The following CNTNAP2 variants were observed in gnomAD, a reference collection of about 807,000 sequenced individuals.
The protein encoded by CNTNAP2 is contactin-associated protein-like 2.
CNTNAP2 carries 98 observed loss-of-function variants against 155.2 expected under a neutral mutation model. The ratio of observed to expected loss-of-function variants is 0.63; its 90% CI spans 0.54 to 0.75. The LOEUF is 0.75. CNTNAP2 is among the 30% of genes least tolerant of loss of function. The pLI, the probability that CNTNAP2 is intolerant of heterozygous loss-of-function variation, is 0.00. For missense variants in CNTNAP2, 1,727 were observed against 1,688.1 expected, an observed-to-expected ratio of 1.02 and a Z score of -0.40; for synonymous variants, 651 against 631.2, an observed-to-expected ratio of 1.03 and a Z score of -0.47.
chr7:147,074,653 A>C (rs1175992648), intron 4 of CNTNAP2, among the ~76,000 whole-genome samples: 1 of 152,190 alleles, frequency 6.6e-6, no homozygotes, highest in African/African-American at 2.4e-5. Context: ...GAAATGTGCC[A>C]GTGAAATAGA....
chr7:146,306,909 GA>G (rs1217160743), intron 1 of CNTNAP2, among the ~76,000 whole-genome samples: 2 of 152,136 alleles, frequency 1.3e-5, no homozygotes, highest in African/African-American at 4.8e-5. Context: ...CATTCCCTTT[GA>G]AAACGGGCAC....
intron 21 of CNTNAP2, among the ~76,000 whole-genome samples, chr7:148,322,421 A>C (rs1451127376): frequency 6.6e-6 from 1 of 152,204 alleles, no homozygotes; most frequent in African/African-American, 2.4e-5. Flanking sequence ...AAGCTACCAA[A>C]TTTTTGTTAT....
At position 148,152,946 on chromosome 7, in the gene CNTNAP2, G is replaced by A. The variant is rs192929705; in HGVS notation, c.2773+5237G>A. ...TGAGGCAGAAGAATGGCATGAACCC[G>A]GGAGGCGGAGCTTGCAGTGAGCCGA... On this transcript the variant is annotated intron_variant, in intron 17 of 23. Transcript: ENST00000361727. 2.1e-3 allele frequency among the ~76,000 whole-genome samples: 313 copies of A among 150,594 alleles called. 2 individuals are homozygous for A. Among genetic ancestry groups the A allele is most frequent in the African/African-American group, 7.3e-3 (297 of 40,850 alleles).
At chr7:146,487,986 TAAGAA>T (rs1340870209) in intron 1 of CNTNAP2, among the ~76,000 whole-genome samples, 1 of 152,098 alleles carries the variant, frequency 6.6e-6, no homozygotes, top group African/African-American at 2.4e-5. Context: ...TGAGAAGTGT[TAAGAA>T]AAGAAAAAAA....
intron 14 of CNTNAP2, among the ~76,000 whole-genome samples, chr7:147,965,230 A>G (rs947744306): frequency 1.3e-5 from 2 of 152,194 alleles, no homozygotes; most frequent in Admixed American, 1.3e-4. Context: ...CTATACACAT[A>G]AGGCAGTAAT....
chr7:146,969,677 C>G (rs1019966686), intron 3 of CNTNAP2, among the ~76,000 whole-genome samples: 9 of 152,166 alleles, frequency 5.9e-5, no homozygotes, highest in Admixed American at 2.0e-4. Flanking sequence ...AGATCTTCCT[C>G]CATCCTTTTA....
Position 146,367,162 on chromosome 7 carries a change from T to C in CNTNAP2, c.97+250189T>C, listed in dbSNP as rs565471430. 1.1e-3 allele frequency among the ~76,000 whole-genome samples: 167 copies of C among 152,284 alleles called. 7 individuals carry two copies. In the South Asian group the frequency reaches 0.033, roughly 30 times the overall value. ...GGTGATTCATTGTTGATGACTAATATCATGGATGCTCACATTTATGGAAAG... is the reference window on the plus strand; with the variant it reads ...GGTGATTCATTGTTGATGACTAATACCATGGATGCTCACATTTATGGAAAG... On this transcript the variant is annotated intron_variant, in intron 1 of 23. Coordinates refer to ENST00000361727, the MANE Select transcript of CNTNAP2 (RefSeq NM_014141.6).
At chr7:146,462,761 T>C (rs575021755) in intron 1 of CNTNAP2, among the ~76,000 whole-genome samples, 1 of 152,294 alleles carries the variant, frequency 6.6e-6, no homozygotes, top group South Asian at 2.1e-4. Flanking sequence ...AAAAACTTAT[T>C]TACTCCTTGT....
intron 5 of CNTNAP2, among the ~76,000 whole-genome samples, chr7:147,120,310 C>T (rs764626811): frequency 6.6e-6 from 1 of 152,074 alleles, no homozygotes; most frequent in Non-Finnish European, 1.5e-5. Flanking sequence ...CTCATGCAAC[C>T]TTACAAAGCA....
chr7:146,948,725 C>G (rs924050929), intron 3 of CNTNAP2, among the ~76,000 whole-genome samples: 1 of 152,148 alleles, frequency 6.6e-6, no homozygotes, highest in Non-Finnish European at 1.5e-5. Context: ...TAAATACATT[C>G]CTTGCAATTT....
intron 1 of CNTNAP2, among the ~76,000 whole-genome samples, chr7:146,297,896 G>A (rs1270149251): frequency 2.0e-5 from 3 of 151,990 alleles, no homozygotes; most frequent in Admixed American, 6.6e-5. Context: ...TGCATACACA[G>A]ACACACACGT....
In CNTNAP2 at chr7:147,374,992, T is replaced by A. The variant is rs185199855; in HGVS notation, c.1499-20617T>A. Among the ~76,000 whole-genome samples the A allele has an allele frequency of 5.7e-3, 874 of 152,064 alleles. 5 individuals are homozygous for A. Among genetic ancestry groups the A allele is most frequent in the South Asian group, 0.013 (63 of 4,824 alleles). On this transcript the variant is annotated intron_variant, in intron 9 of 23. Transcript: ENST00000361727. The stretch of plus-strand genomic sequence containing the variant: ...AAAGGTGATTGGATCATGGGGGCAG[T>A]TTCCCCGATGCTGTTCTCATGATAG...
At chr7:147,551,933 G>T (rs1157288573) in intron 11 of CNTNAP2, among the ~76,000 whole-genome samples, 1 of 152,052 alleles carries the variant, frequency 6.6e-6, no homozygotes, top group Non-Finnish European at 1.5e-5. Context: ...GATTATTATG[G>T]CCTTTTGAAA....
rs58086860 is a variant in CNTNAP2, at chr7:148,281,835, C to CTTTTTTT, written c.3475+14722_3475+14728dup. On this transcript the variant is annotated intron_variant, in intron 21 of 23. Coordinates refer to ENST00000361727, the MANE Select transcript of CNTNAP2 (RefSeq NM_014141.6). Reference sequence around the variant, plus strand: ...CATAGCTGGTACTTCACAACGTTTCCTTTTTTTTTTTTTTTTTTTGAGACG... The same window carrying CTTTTTTT: ...CATAGCTGGTACTTCACAACGTTTCCTTTTTTTTTTTTTTTTTTTTTTTTTTGAGACG... Among the ~76,000 whole-genome samples, 7 of 123,482 alleles carry CTTTTTTT rather than the reference C, an allele frequency of 5.7e-5. 1 individual carries two copies. Among genetic ancestry groups the CTTTTTTT allele is most frequent in the Admixed American group, 1.9e-4 (2 of 10,570 alleles). 81.0% of individuals were successfully genotyped at this position (123,482 alleles called of 152,430 possible). A position where few individuals can be genotyped will look rare whatever the true frequency, so the allele number is the denominator to read the frequency against.
In CNTNAP2 at chr7:146,377,514, A is replaced by G. The variant is rs942763457; in HGVS notation, c.97+260541A>G. On this transcript the variant is annotated intron_variant, in intron 1 of 23. Coordinates refer to ENST00000361727, the MANE Select transcript of CNTNAP2 (RefSeq NM_014141.6). Reference sequence around the variant, plus strand: ...CTTAATCTTTTGGGTCATATATCCAACTGCATGCTTGGCAGTTCTACTGGA... The same window carrying G: ...CTTAATCTTTTGGGTCATATATCCAGCTGCATGCTTGGCAGTTCTACTGGA... 2.0e-5 allele frequency among the ~76,000 whole-genome samples: 3 copies of G among 152,110 alleles called. No homozygotes were observed. The South Asian group carries it at 6.2e-4, about 32-fold the overall frequency.
chr7:148,044,066 G>A (rs761765008), intron 15 of CNTNAP2, among the ~76,000 whole-genome samples: 11 of 152,104 alleles, frequency 7.2e-5, no homozygotes, highest in South Asian at 2.1e-4. Context: ...TAAACCTGTC[G>A]TATTAGAAAA....
At chr7:147,868,025 G>T (rs1341070267) in intron 13 of CNTNAP2, among the ~76,000 whole-genome samples, 1 of 152,052 alleles carries the variant, frequency 6.6e-6, no homozygotes, top group South Asian at 2.1e-4. Flanking sequence ...GAGGAGAAGA[G>T]GTGCTCTGAT....
intron 3 of CNTNAP2, chr7:146,963,233 T>C (rs1024046022): frequency 6.6e-6 from 1 of 152,234 alleles, no homozygotes; most frequent in Non-Finnish European, 1.5e-5. Context: ...CTCTAAAATA[T>C]ATCTATTTCT....
At chr7:147,112,939 T>C (rs1357919627) in intron 5 of CNTNAP2, among the ~76,000 whole-genome samples, 1 of 152,112 alleles carries the variant, frequency 6.6e-6, no homozygotes, top group African/African-American at 2.4e-5. Flanking sequence ...TTCAGGTTTT[T>C]GGAATAGTTT....
Sources: allele counts gnomAD v4.1 joint callset (sites outside exome capture counted in the v4.1 genomes callset), GRCh38; gene constraint gnomAD v4.1.1; transcripts MANE v1.5; gene names NCBI Gene and HGNC (gene_info 2026-07-23, HGNC 2026-07-21).